SPATA17: variants seen among roughly 807,000 people sequenced by gnomAD.
The protein encoded by SPATA17 is spermatogenesis associated 17, also known as spermatogenesis-associated protein 17.
A neutral mutation model predicts 62.2 loss-of-function variants in SPATA17; 53 were observed. The ratio of observed to expected loss-of-function variants is 0.85; its 90% CI spans 0.68 to 1.07. SPATA17 has a LOEUF of 1.07. SPATA17 is among the 50% of genes least tolerant of loss of function. The pLI is 0.00. For synonymous variants in SPATA17, 146 were observed against 146.8 expected (o/e 0.99, Z 0.04); for missense variants, 466 against 425.5 (o/e 1.10, Z -0.84).
chr1:217,814,967 T>G (rs1034210926), intron 9 of SPATA17, among the ~76,000 whole-genome samples: 2 of 152,206 alleles, frequency 1.3e-5, no homozygotes, highest in Non-Finnish European at 2.9e-5. Flanking sequence ...GATCATGGAA[T>G]ATGTTATCTC....
At chr1:217,837,930 C>T (rs1675299185) in intron 9 of SPATA17, among the ~76,000 whole-genome samples, 1 of 151,910 alleles carries the variant, frequency 6.6e-6, no homozygotes, top group Admixed American at 6.6e-5. Context: ...TCTGTGTGGT[C>T]AGGTATAATA....
At chr1:217,766,305 T>C (rs1673298918) in intron 6 of SPATA17, among the ~76,000 whole-genome samples, 1 of 152,068 alleles carries the variant, frequency 6.6e-6, no homozygotes, top group African/African-American at 2.4e-5. Context: ...GCATATTTTA[T>C]GATTCCATTT....
intron 9 of SPATA17, among the ~76,000 whole-genome samples, chr1:217,862,490 A>G (rs17739111): frequency 0.014 from 2,086 of 152,298 alleles, 13 homozygotes; most frequent in Middle Eastern, 0.048. Flanking sequence ...ATTGCGACTC[A>G]TTGAAGACAG....
Position 217,631,986 on chromosome 1 carries a change from C to T in SPATA17, c.68+540C>T, listed in dbSNP as rs537592335. Reference sequence around the variant, plus strand: ...TCACCTGAGGCCAGGAGTTCTAGACCAACCAGGACAACATGGTGAAACCCC... The same window carrying T: ...TCACCTGAGGCCAGGAGTTCTAGACTAACCAGGACAACATGGTGAAACCCC... On this transcript the variant is annotated intron_variant, in intron 1 of 10. Coordinates refer to ENST00000366933, the MANE Select transcript of SPATA17 (RefSeq NM_138796.4). Among the ~76,000 whole-genome samples the T allele has an allele frequency of 2.0e-5, 3 of 152,180 alleles. No individual in the cohort carries two copies. In the East Asian group the frequency reaches 5.8e-4, roughly 30 times the overall value.
chr1:217,651,885 C>T (rs1176461908), intron 3 of SPATA17, among the ~76,000 whole-genome samples: 2 of 152,078 alleles, frequency 1.3e-5, no homozygotes, highest in Non-Finnish European at 2.9e-5. Flanking sequence ...TAAAAGTAAC[C>T]GTCGTACTCA....
chr1:217,660,939 C>G (rs749306995), intron 3 of SPATA17, among the ~76,000 whole-genome samples: 1 of 152,124 alleles, frequency 6.6e-6, no homozygotes, highest in Non-Finnish European at 1.5e-5. Context: ...ATGTTTGGAG[C>G]TTTTGGAGTT....
chr1:217,807,502 C>T (rs1313910828), intron 9 of SPATA17, among the ~76,000 whole-genome samples: 1 of 152,090 alleles, frequency 6.6e-6, no homozygotes, highest in African/African-American at 2.4e-5. Context: ...GTGTAAACAT[C>T]ATAACACTAC....
At position 217,714,030 on chromosome 1, in the gene SPATA17, A is replaced by G. The variant is rs560122613; in HGVS notation, c.396-27945A>G. ...GAATTTTATGGGGATTGGAAATCAC[A>G]AAGACATGGCCCAGATTGGAAGATA... On this transcript the variant is annotated intron_variant, in intron 5 of 10. Coordinates refer to ENST00000366933, the MANE Select transcript of SPATA17 (RefSeq NM_138796.4). 3.3e-5 allele frequency among the ~76,000 whole-genome samples: 5 copies of G among 152,334 alleles called. No homozygotes were observed. In the South Asian group the frequency reaches 6.2e-4, roughly 19 times the overall value.
chr1:217,690,251 C>A (rs1175336501), intron 5 of SPATA17, among the ~76,000 whole-genome samples: 1 of 152,044 alleles, frequency 6.6e-6, no homozygotes, highest in African/African-American at 2.4e-5. Flanking sequence ...TAAGCACTCT[C>A]ATTCTATCCT....
intron 7 of SPATA17, among the ~76,000 whole-genome samples, chr1:217,780,618 T>C (rs1673707658): frequency 6.6e-6 from 1 of 152,158 alleles, no homozygotes; most frequent in Non-Finnish European, 1.5e-5. Context: ...TCCATGTGAA[T>C]GCTGGTCTCT....
chr1:217,870,233 G>T lies in SPATA17; in HGVS notation c.*3214G>T, dbSNP rs1234084094. ...CCTTCTCTGTTCTTCCAGAGAAGGT[G>T]GTACTCAGATAAAAACTTTGAAGCA... On this transcript the variant is annotated 3_prime_UTR_variant, in exon 11 of 11. Transcript: ENST00000366933. 6.6e-6 allele frequency: 1 copy of T among 152,002 alleles called. No individual in the cohort carries two copies. The highest frequency in any genetic ancestry group is 2.4e-5 in the African/African-American group (1 of 41,390). The allele number at this position is 152,002 out of a possible 1,614,324, so 9.4% of individuals were successfully genotyped here.
intron 1 of SPATA17, among the ~76,000 whole-genome samples, chr1:217,640,279 G>T (rs1670030639): frequency 6.6e-6 from 1 of 151,968 alleles, no homozygotes; most frequent in South Asian, 2.1e-4. Context: ...CATAAAAATT[G>T]CAAAGGAAGA....
At position 217,677,968 on chromosome 1, in the gene SPATA17, C is replaced by T. The variant is rs77326287; in HGVS notation, c.292-5290C>T. Among the ~76,000 whole-genome samples the T allele has an allele frequency of 2.7e-3, 416 of 152,130 alleles. 17 individuals are homozygous for T. In the East Asian group the frequency reaches 0.072, roughly 26 times the overall value. On this transcript the variant is annotated intron_variant, in intron 4 of 10. Transcript: ENST00000366933. ...TGACGTGACAATGCAATGATACCTA[C>T]AATGAAAACTTGGGTTATATTACTA...
intron 5 of SPATA17, among the ~76,000 whole-genome samples, chr1:217,714,870 A>G (rs1005449254): frequency 1.3e-5 from 2 of 152,208 alleles, no homozygotes; most frequent in African/African-American, 4.8e-5. Flanking sequence ...ATGTCAGGAC[A>G]TAGGTAGAAA....
intron 3 of SPATA17, among the ~76,000 whole-genome samples, chr1:217,654,570 T>TTA (rs1670394382): frequency 6.6e-6 from 1 of 152,204 alleles, no homozygotes; most frequent in African/African-American, 2.4e-5. Context: ...CTCACATTTT[T>TTA]TAATCAAGTG....
intron 9 of SPATA17, among the ~76,000 whole-genome samples, chr1:217,840,053 T>C (rs903258461): frequency 3.3e-5 from 5 of 152,156 alleles, no homozygotes; most frequent in Middle Eastern, 3.2e-3. Flanking sequence ...GCAATCTCTA[T>C]ACAATTATTG....
At chr1:217,686,470 C>T (rs972028382) in intron 5 of SPATA17, among the ~76,000 whole-genome samples, 1 of 152,028 alleles carries the variant, frequency 6.6e-6, no homozygotes, top group African/African-American at 2.4e-5. Context: ...TTAAATACTT[C>T]TCTCTTTTGT....
At chr1:217,638,449 T>C (rs977067551) in intron 1 of SPATA17, among the ~76,000 whole-genome samples, 1 of 152,214 alleles carries the variant, frequency 6.6e-6, no homozygotes, top group African/African-American at 2.4e-5. Context: ...CTATTTACCA[T>C]GCCCTGAAAG....
chr1:217,741,361 T>C (rs1284272918), intron 5 of SPATA17, among the ~76,000 whole-genome samples: 1 of 152,152 alleles, frequency 6.6e-6, no homozygotes, highest in African/African-American at 2.4e-5. Flanking sequence ...TTATTATACT[T>C]AGAAAAGACT....
Sources: gnomAD v4.1 joint callset for allele counts (sites outside exome capture counted in the v4.1 genomes callset) on GRCh38, gnomAD v4.1.1 for gene constraint, MANE v1.5 for transcripts, NCBI Gene and HGNC (gene_info 2026-07-23, HGNC 2026-07-21) for gene names.